MYT1L: variants seen among roughly 807,000 people sequenced by gnomAD.
The protein encoded by MYT1L is myelin transcription factor 1 like.
Under a neutral mutation model 126.7 loss-of-function variants are expected in MYT1L, and 12 were observed. That is an observed-to-expected ratio of 0.09 (90% confidence interval 0.06 to 0.15). The LOEUF (loss-of-function observed/expected upper bound fraction) is 0.15, where lower values mean the gene tolerates loss of function less well. Among genes scored for constraint, MYT1L ranks in the 10% least tolerant of loss-of-function variants. The pLI is 1.00. For missense variants in MYT1L, 979 were observed against 1,585.2 expected, an observed-to-expected ratio of 0.62 and a Z score of 6.49; for synonymous variants, 541 against 604.2, an observed-to-expected ratio of 0.90 and a Z score of 1.53.
chr2:2,098,139 A>G (rs1435103175), intron 3 of MYT1L, among the ~76,000 whole-genome samples: 1 of 152,128 alleles, frequency 6.6e-6, no homozygotes, highest in Non-Finnish European at 1.5e-5. Context: ...TTTATAAATT[A>G]CCCAGCCTCA....
chr2:1,925,072 G>C (rs2054048336), intron 9 of MYT1L, among the ~76,000 whole-genome samples: 1 of 152,118 alleles, frequency 6.6e-6, no homozygotes, highest in African/African-American at 2.4e-5. Flanking sequence ...TGTCTATGAA[G>C]ACCCAACCAC....
chr2:1,922,625 G>A lies in MYT1L; in HGVS notation c.1144C>T (p.Leu382Phe). 1 of 1,613,964 alleles carries A rather than the reference G, an allele frequency of 6.2e-7. No individual in the cohort carries two copies. Among genetic ancestry groups the A allele is most frequent in the Non-Finnish European group, 8.5e-7 (1 of 1,179,882 alleles). The stretch of plus-strand genomic sequence containing the variant: ...CTCAACTGCTCCTCCAGCCGCATGA[G>A]GTTCAGCATGTCCGAGTAGTTTCTG... Reference protein sequence around the residue: ...PDRNYSDMLNLMRLEEQLSPR... With the variant: ...PDRNYSDMLNFMRLEEQLSPR... Residue 382 changes from leucine to phenylalanine, a missense_variant, in exon 10 of 25, where the codon CTC (leucine) becomes TTC (phenylalanine). Transcript: ENST00000647738. This position sits in a 1 kb window ranked among gnomAD's most constrained non-coding sequence, Gnocchi z 7.4.
intron 3 of MYT1L, among the ~76,000 whole-genome samples, chr2:2,159,582 T>C (rs1218227093): frequency 6.6e-6 from 1 of 151,728 alleles, no homozygotes; most frequent in East Asian, 2.0e-4. Context: ...CAGGCCTGTG[T>C]TGAGATTGCC....
At chr2:2,173,610 T>C (rs535701341) in intron 2 of MYT1L, among the ~76,000 whole-genome samples, 4 of 152,242 alleles carry the variant, frequency 2.6e-5, no homozygotes, top group African/African-American at 4.8e-5. Flanking sequence ...AATATCCATA[T>C]TATTTCAAAG....
Position 1,801,690 on chromosome 2 carries a change from T to C in MYT1L, c.3276+6A>G. ...AGCTAAAATTGAGGGCTTCAAAAACTGTTACCTGAGTTCTGAGTTTAATCA... is the reference window on the plus strand; with the variant it reads ...AGCTAAAATTGAGGGCTTCAAAAACCGTTACCTGAGTTCTGAGTTTAATCA... On this transcript the variant is annotated splice_donor_region_variant and intron_variant, in intron 23 of 24. Coordinates refer to ENST00000647738, the MANE Select transcript of MYT1L (RefSeq NM_001303052.2). The surrounding 1 kb of genome is among the most constrained non-coding windows in gnomAD (Gnocchi z 4.2). 6.3e-7 allele frequency: 1 copy of C among 1,592,362 alleles called. No homozygotes were observed. The highest frequency in any genetic ancestry group is 8.6e-7 in the Non-Finnish European group (1 of 1,164,676).
chr2:2,231,289 C>T (rs1042547725), intron 2 of MYT1L, among the ~76,000 whole-genome samples: 1 of 152,070 alleles, frequency 6.6e-6, no homozygotes, highest in African/African-American at 2.4e-5. Context: ...ATTCATTTTC[C>T]GTCTGTCTGT....
intron 4 of MYT1L, among the ~76,000 whole-genome samples, chr2:1,998,067 C>T (rs1196026815): frequency 6.6e-6 from 1 of 152,196 alleles, no homozygotes; most frequent in Non-Finnish European, 1.5e-5. Flanking sequence ...CCTGTCCCTA[C>T]ACATGCTCAG....
intron 21 of MYT1L, among the ~76,000 whole-genome samples, chr2:1,830,722 C>T (rs906698720): frequency 3.3e-5 from 5 of 152,124 alleles, no homozygotes; most frequent in African/African-American, 1.2e-4. Flanking sequence ...GAAGGCCAGG[C>T]CTGGGGAACT....
intron 3 of MYT1L, among the ~76,000 whole-genome samples, chr2:2,131,835 C>G (rs1317918570): frequency 3.3e-5 from 5 of 151,714 alleles, no homozygotes; most frequent in African/African-American, 9.7e-5. Flanking sequence ...ACTACTCTCT[C>G]AGACACCACG....
chr2:2,167,737 C>T (rs941374415), intron 3 of MYT1L, among the ~76,000 whole-genome samples: 6 of 152,230 alleles, frequency 3.9e-5, no homozygotes, highest in Non-Finnish European at 1.5e-5. Context: ...TCTCCAGGAA[C>T]ACTCAGATTC....
At chr2:1,952,782 T>TTCCCTCCCTC (rs1335086917) in intron 8 of MYT1L, among the ~76,000 whole-genome samples, 1 of 1,598 alleles carries the variant, frequency 6.3e-4, no homozygotes, top group African/African-American at 3.0e-3. Flanking sequence ...TTCCCTCCTT[T>TTCCCTCCCTC]CCTCCCTTCC....
Position 1,887,411 on chromosome 2 carries a change from C to T in MYT1L, c.2642+77G>A, listed in dbSNP as rs1330484820. The stretch of plus-strand genomic sequence containing the variant: ...GCATGCTCAAACGGCAAGGCATATA[C>T]AGATCCAGTTTTAAAAAATCAGCCA... On this transcript the variant is annotated intron_variant, in intron 17 of 24. Coordinates refer to ENST00000647738, the MANE Select transcript of MYT1L (RefSeq NM_001303052.2). The surrounding 1 kb of genome is among the most constrained non-coding windows in gnomAD (Gnocchi z 4.8). The T allele has an allele frequency of 6.3e-7, 1 of 1,590,984 alleles. No homozygotes were observed. The highest frequency in any genetic ancestry group is 1.3e-5 in the African/African-American group (1 of 74,386).
In MYT1L at chr2:2,261,190, A is replaced by G. The variant is rs549378055; in HGVS notation, c.-421+23214T>C. Reference sequence around the variant, plus strand: ...GTGTATGTGTTTCCAACATGTGTCTACAATAGAATCTCCAACTTTTTTGTT... The same window carrying G: ...GTGTATGTGTTTCCAACATGTGTCTGCAATAGAATCTCCAACTTTTTTGTT... On this transcript the variant is annotated intron_variant, in intron 2 of 24. Transcript: ENST00000647738. Among the ~76,000 whole-genome samples, 15 of 152,084 alleles carry G rather than the reference A, an allele frequency of 9.9e-5. No individual in the cohort carries two copies. The East Asian group carries it at 2.5e-3, about 25-fold the overall frequency.
chr2:2,194,716 T>C (rs916539933), intron 2 of MYT1L, among the ~76,000 whole-genome samples: 1 of 152,156 alleles, frequency 6.6e-6, no homozygotes, highest in Admixed American at 6.5e-5. Flanking sequence ...GATCCTTTCA[T>C]TAACCCTGCA....
chr2:1,921,011 C>T (rs1301086912), intron 10 of MYT1L, among the ~76,000 whole-genome samples: 1 of 152,236 alleles, frequency 6.6e-6, no homozygotes, highest in Non-Finnish European at 1.5e-5. Context: ...CGATGCCTAG[C>T]TTGCCGCAGA....
chr2:1,850,950 C>T (rs1019659277), intron 19 of MYT1L, among the ~76,000 whole-genome samples: 9 of 152,248 alleles, frequency 5.9e-5, no homozygotes, highest in Admixed American at 2.0e-4. Context: ...CTTGCCCTGC[C>T]CACCCCGCTT....
intron 13 of MYT1L, among the ~76,000 whole-genome samples, chr2:1,909,731 A>G (rs1159274956): frequency 6.6e-6 from 1 of 151,708 alleles, no homozygotes; most frequent in Non-Finnish European, 1.5e-5. Context: ...GACAACACCT[A>G]CTCCCACCTA....
intron 8 of MYT1L, among the ~76,000 whole-genome samples, chr2:1,950,395 AG>A (rs2057634953): frequency 6.6e-6 from 1 of 152,228 alleles, no homozygotes. Context: ...TTATTTGGAA[AG>A]CATGTCACTG....
chr2:1,926,452 G>A (rs200040344), intron 9 of MYT1L, among the ~76,000 whole-genome samples: 1 of 152,138 alleles, frequency 6.6e-6, no homozygotes, highest in East Asian at 1.9e-4. Flanking sequence ...TGGGCTATGG[G>A]AACTAGATCA....
Sources: gnomAD v4.1 joint callset for allele counts (sites outside exome capture counted in the v4.1 genomes callset) on GRCh38, gnomAD v4.1.1 for gene constraint, Gnocchi (gnomAD v3.1) non-coding constraint, MANE v1.5 for transcripts, NCBI Gene and HGNC (gene_info 2026-07-23, HGNC 2026-07-21) for gene names.